SGK1: variants seen among roughly 807,000 people sequenced by gnomAD.
The protein encoded by SGK1 is serum/glucocorticoid regulated kinase 1.
SGK1 carries 26 observed loss-of-function variants against 64.2 expected under a neutral mutation model. The observed-to-expected ratio is 0.40, with a 90% CI of 0.30 to 0.56. The LOEUF (loss-of-function observed/expected upper bound fraction) is 0.56. SGK1 is among the 20% of genes least tolerant of loss of function. The pLI is 0.38. For missense variants in SGK1, 519 were observed against 645.6 expected, an observed-to-expected ratio of 0.80 and a Z score of 2.12; for synonymous variants, 265 against 239.7, an observed-to-expected ratio of 1.11 and a Z score of -0.98.
intron 3 of SGK1, 61 bp from the exon 4 acceptor site, chr6:134,174,647 C>T: frequency 6.2e-7 from 1 of 1,604,918 alleles, no homozygotes; most frequent in Non-Finnish European, 8.5e-7. Flanking sequence ...TCCGGCGCCA[C>T]ACACACTAAT....
At chr6:134,237,091 G>A (rs1170385284) in intron 2 of SGK1, among the ~76,000 whole-genome samples, 13 of 135,518 alleles carry the variant, frequency 9.6e-5, no homozygotes, top group South Asian at 4.6e-4. Context: ...GTCTCACTCC[G>A]TCACCCAGTT....
chr6:134,207,962 A>G (rs991942714), intron 2 of SGK1, among the ~76,000 whole-genome samples: 1 of 152,186 alleles, frequency 6.6e-6, no homozygotes, highest in Non-Finnish European at 1.5e-5. Flanking sequence ...CTCAGGTTGG[A>G]GTGCAGTGGT....
chr6:134,228,732 T>TA (rs1776227193), intron 2 of SGK1, among the ~76,000 whole-genome samples: 1 of 152,180 alleles, frequency 6.6e-6, no homozygotes, highest in Non-Finnish European at 1.5e-5. Flanking sequence ...TGTAAACAGA[T>TA]ACGGGTGTTT....
Position 134,184,753 on chromosome 6 carries a change from G to C in SGK1, c.362-10167C>G, listed in dbSNP as rs547611991. On this transcript the variant is annotated intron_variant, in intron 3 of 13. Transcript: ENST00000367858. The stretch of plus-strand genomic sequence containing the variant: ...GTCTGGAGTGCAGGGCTGTAATCAC[G>C]GCTCACCACAACCTCTGCCTCCCGG... 5.3e-5 allele frequency among the ~76,000 whole-genome samples: 8 copies of C among 152,140 alleles called. 1 individual carries two copies. The South Asian group carries it at 1.7e-3, about 32-fold the overall frequency.
intron 2 of SGK1, chr6:134,215,202 G>A (rs1775960180): frequency 7.5e-6 from 3 of 401,368 alleles, no homozygotes; most frequent in Non-Finnish European, 1.5e-5. Context: ...TACAACCTCC[G>A]CCTCCTGGGT....
intron 1 of SGK1, among the ~76,000 whole-genome samples, chr6:134,263,971 G>T (rs1413140463): frequency 6.6e-6 from 1 of 151,902 alleles, no homozygotes; most frequent in Non-Finnish European, 1.5e-5. Flanking sequence ...TATAAGAAAG[G>T]TACTATTTTC....
intron 3 of SGK1, chr6:134,174,894 A>G (rs1775171701): frequency 6.3e-7 from 1 of 1,586,958 alleles, no homozygotes; most frequent in Admixed American, 1.8e-5. Context: ...GCCTTATAAA[A>G]AAGGCACCGC....
intron 1 of SGK1, among the ~76,000 whole-genome samples, chr6:134,273,804 G>A (rs1312811840): frequency 6.6e-6 from 1 of 151,674 alleles, no homozygotes; most frequent in East Asian, 1.9e-4. Context: ...AGGGGACCCT[G>A]AAGTATTTAT....
At chr6:134,223,568 C>T (rs1763501) in intron 2 of SGK1, among the ~76,000 whole-genome samples, 101,820 of 152,010 alleles carry the variant, frequency 0.67, 36,205 homozygotes, top group South Asian at 0.87. Flanking sequence ...AAATAGAAAT[C>T]GGGATTTGGA....
chr6:134,178,592 T>C (rs1775284313), intron 3 of SGK1, among the ~76,000 whole-genome samples: 1 of 152,208 alleles, frequency 6.6e-6, no homozygotes, highest in African/African-American at 2.4e-5. Context: ...CCTTTCCTCA[T>C]ACTCCCTGGT....
Position 134,265,631 on chromosome 6 carries a change from T to TAC in SGK1, c.70-3485_70-3484dup, listed in dbSNP as rs71545096. Among the ~76,000 whole-genome samples the TAC allele has an allele frequency of 9.9e-3, 1,438 of 144,554 alleles. 13 individuals are homozygous for TAC. The highest frequency in any genetic ancestry group is 0.014 in the Admixed American group (201 of 14,184). 94.8% of individuals were successfully genotyped at this position (144,554 alleles called of 152,430 possible). A position where few individuals can be genotyped will look rare whatever the true frequency, so the allele number is the denominator to read the frequency against. ...TTTTATATATATACATATATATATA[T>TAC]ACATATATATATACACAGAAACACT... On this transcript the variant is annotated intron_variant, in intron 1 of 13. Coordinates refer to ENST00000367858, the MANE Select transcript of SGK1 (RefSeq NM_001143676.3).
At chr6:134,264,390 A>G (rs1365024119) in intron 1 of SGK1, among the ~76,000 whole-genome samples, 1 of 152,066 alleles carries the variant, frequency 6.6e-6, no homozygotes, top group Non-Finnish European at 1.5e-5. Context: ...TAGTGCTGGT[A>G]TTACAGGCTT....
chr6:134,299,729 C>T (rs1393371398), intron 1 of SGK1, among the ~76,000 whole-genome samples: 1 of 151,680 alleles, frequency 6.6e-6, no homozygotes, highest in Non-Finnish European at 1.5e-5. Context: ...TTTGGATATG[C>T]CTGTTCATTC....
chr6:134,191,835 A>ATGTTTTTTTTT (rs1775516536), intron 3 of SGK1, among the ~76,000 whole-genome samples: 2 of 61,202 alleles, frequency 3.3e-5, no homozygotes, highest in South Asian at 1.8e-3. Context: ...CGCCCGGCTG[A>ATGTTTTTTTTT]TTTTTTTTTT....
In SGK1 at chr6:134,229,999, A is replaced by C. The variant is rs551974936; in HGVS notation, c.286-22568T>G. Among the ~76,000 whole-genome samples the C allele has an allele frequency of 6.9e-4, 105 of 152,314 alleles. 3 individuals carry two copies. In the South Asian group the frequency reaches 0.021, roughly 31 times the overall value. On this transcript the variant is annotated intron_variant, in intron 2 of 13. Coordinates refer to ENST00000367858, the MANE Select transcript of SGK1 (RefSeq NM_001143676.3). ...AGCCTATATGCAAAAAATAAAATAA[A>C]TCAGCTCAAGGCATAAGAATTTGAT... is the stretch of plus-strand genomic sequence containing the variant.
intron 1 of SGK1, 65 bp downstream of exon 1, chr6:134,317,327 C>T: frequency 9.6e-7 from 1 of 1,044,918 alleles, no homozygotes; most frequent in Admixed American, 1.7e-5. Flanking sequence ...TTACTTCAGG[C>T]AAACATTCAA....
intron 1 of SGK1, among the ~76,000 whole-genome samples, chr6:134,290,752 A>G (rs971626701): frequency 6.6e-6 from 1 of 152,156 alleles, no homozygotes; most frequent in Non-Finnish European, 1.5e-5. Flanking sequence ...CTGTTCAAAC[A>G]TATTCCCTAT....
At chr6:134,207,918 T>A (rs1223438218) in intron 2 of SGK1, among the ~76,000 whole-genome samples, 8 of 150,272 alleles carry the variant, frequency 5.3e-5, no homozygotes, top group African/African-American at 2.0e-4. Flanking sequence ...TTTAAATGCT[T>A]TTTTTGTTTG....
chr6:134,208,405 T>C (rs552917026), intron 2 of SGK1, among the ~76,000 whole-genome samples: 1 of 152,242 alleles, frequency 6.6e-6, no homozygotes, highest in South Asian at 2.1e-4. Context: ...CAATAGATTT[T>C]TGGGGAACAG....
Sources: gnomAD v4.1 joint callset for allele counts (sites outside exome capture counted in the v4.1 genomes callset) on GRCh38, gnomAD v4.1.1 for gene constraint, MANE v1.5 for transcripts, NCBI Gene and HGNC (gene_info 2026-07-23, HGNC 2026-07-21) for gene names.